CSMD2: variants seen among roughly 807,000 people sequenced by gnomAD.
The protein encoded by CSMD2 is CUB and Sushi multiple domains 2, also known as CUB and sushi domain-containing protein 2.
In CSMD2, 130 loss-of-function variants were observed where a neutral mutation model predicts 398.5. The observed-to-expected ratio is 0.33, with a 90% CI of 0.28 to 0.38. The LOEUF (loss-of-function observed/expected upper bound fraction) is 0.38, where lower values mean the gene tolerates loss of function less well. CSMD2 is among the 10% of genes least tolerant of loss of function. The probability of loss-of-function intolerance (pLI) is 1.00; values close to 1 mark genes in which losing one functional copy is unlikely to be tolerated. For missense variants in CSMD2, 3,829 were observed against 4,764.9 expected (o/e 0.80, Z 5.78); for synonymous variants, 1,828 against 1,908.5 (o/e 0.96, Z 1.10).
intron 40 of CSMD2, among the ~76,000 whole-genome samples, chr1:33,612,101 T>G (rs1359206679): frequency 6.6e-6 from 1 of 152,228 alleles, no homozygotes; most frequent in Non-Finnish European, 1.5e-5. Flanking sequence ...ACATCAGGGC[T>G]GTGCTAGGCA....
At chr1:33,938,922 GCTGA>G (rs1644576881) in intron 3 of CSMD2, among the ~76,000 whole-genome samples, 1 of 152,006 alleles carries the variant, frequency 6.6e-6, no homozygotes, top group Non-Finnish European at 1.5e-5. Context: ...ATCCCTTGCT[GCTGA>G]CTTACTTGGC....
chr1:33,633,342 G>T lies in CSMD2; in HGVS notation c.5200+80C>A. On this transcript the variant is annotated intron_variant, in intron 32 of 70. Coordinates refer to ENST00000373381, the MANE Select transcript of CSMD2 (RefSeq NM_001281956.2). This position sits in a 1 kb window ranked among gnomAD's most constrained non-coding sequence, Gnocchi z 5.0. ...AGGGTTCCACCTGCGGCCATGGGGTGCTTCTAGAGCCTCCTTCCTTTAGCC... is the reference window on the plus strand; with the variant it reads ...AGGGTTCCACCTGCGGCCATGGGGTTCTTCTAGAGCCTCCTTCCTTTAGCC... 1 of 1,043,984 alleles carries T rather than the reference G, an allele frequency of 9.6e-7. No individual in the cohort carries two copies. The highest frequency in any genetic ancestry group is 1.5e-6 in the Non-Finnish European group (1 of 688,578). The allele number at this position is 1,043,984 out of a possible 1,614,324, so 64.7% of individuals were successfully genotyped here.
At chr1:34,048,970 TTCCAGAACCATGGTC>T (rs1158472376) in intron 2 of CSMD2, among the ~76,000 whole-genome samples, 7 of 152,204 alleles carry the variant, frequency 4.6e-5, no homozygotes, top group South Asian at 2.1e-4. Context: ...AAACAGGAGC[TTCCAGAACCATGGTC>T]TCCAGAACCA....
chr1:34,055,210 C>G (rs1653690340), intron 2 of CSMD2, among the ~76,000 whole-genome samples: 1 of 152,146 alleles, frequency 6.6e-6, no homozygotes, highest in South Asian at 2.1e-4. Context: ...TGTAGAAAAA[C>G]AAACTGTTTT....
chr1:33,766,856 A>G (rs1264651167), intron 13 of CSMD2, among the ~76,000 whole-genome samples: 1 of 152,250 alleles, frequency 6.6e-6, no homozygotes, highest in Non-Finnish European at 1.5e-5. Context: ...CTGGATGGAA[A>G]GACCATACGT....
intron 19 of CSMD2, among the ~76,000 whole-genome samples, chr1:33,717,167 C>T (rs1646200151): frequency 6.6e-6 from 1 of 152,040 alleles, no homozygotes; most frequent in Non-Finnish European, 1.5e-5. Context: ...CTGGGTGTGG[C>T]TACTCCTGGA....
chr1:33,774,697 A>G (rs1020573683), intron 12 of CSMD2, among the ~76,000 whole-genome samples: 1 of 152,172 alleles, frequency 6.6e-6, no homozygotes, highest in Non-Finnish European at 1.5e-5. Flanking sequence ...CGTGGGGTAC[A>G]TGTGCCTGTG....
chr1:34,028,315 C>CA (rs758703951), intron 3 of CSMD2, among the ~76,000 whole-genome samples: 17 of 151,970 alleles, frequency 1.1e-4, no homozygotes, highest in Non-Finnish European at 1.6e-4. Context: ...GGCCCTATCT[C>CA]AAAAAACTAA....
chr1:33,717,648 A>G (rs948394908), intron 19 of CSMD2, among the ~76,000 whole-genome samples: 3 of 151,652 alleles, frequency 2.0e-5, no homozygotes, highest in African/African-American at 7.3e-5. Context: ...TTAAAGGGGG[A>G]CTACAGAGGT....
At position 33,636,779 on chromosome 1, in the gene CSMD2, C is replaced by A. The variant is rs577957790; in HGVS notation, c.4775-225G>T. On this transcript the variant is annotated intron_variant, in intron 29 of 70. Transcript: ENST00000373381. This position sits in a 1 kb window ranked among gnomAD's most constrained non-coding sequence, Gnocchi z 4.8. ...GAAGAGGGCAATTTCCCCTCCTCCC[C>A]CCATGTTCTTGCCTTGACCCACAGA... Among the ~76,000 whole-genome samples, 1 of 151,582 alleles carries A rather than the reference C, an allele frequency of 6.6e-6. No individual in the cohort carries two copies. Among genetic ancestry groups the A allele is most frequent in the South Asian group, 2.1e-4 (1 of 4,818 alleles).
chr1:33,726,784 T>C (rs1646548163), intron 15 of CSMD2, 99 bp from the exon 16 acceptor site: 2 of 1,332,988 alleles, frequency 1.5e-6, no homozygotes, highest in Admixed American at 2.7e-5. Context: ...TAAGTATAGT[T>C]TTTGTTTTTA....
chr1:33,647,524 C>T (rs763110056), intron 28 of CSMD2, among the ~76,000 whole-genome samples: 17 of 152,036 alleles, frequency 1.1e-4, no homozygotes, highest in East Asian at 1.9e-4. Flanking sequence ...ATGCATATTA[C>T]GAAAAAATTA....
chr1:33,880,105 G>A (rs1274869425), intron 5 of CSMD2, among the ~76,000 whole-genome samples: 1 of 152,138 alleles, frequency 6.6e-6, no homozygotes, highest in Non-Finnish European at 1.5e-5. Flanking sequence ...CACTGATTGT[G>A]ACCTCATGGA....
chr1:34,029,279 G>T (rs570848487), intron 3 of CSMD2, among the ~76,000 whole-genome samples: 1 of 152,236 alleles, frequency 6.6e-6, no homozygotes. Context: ...TTCCCTGAGA[G>T]CCAAATCTTC....
At chr1:33,862,129 A>G (rs1282469006) in intron 5 of CSMD2, 2 of 152,166 alleles carry the variant, frequency 1.3e-5, no homozygotes, top group Non-Finnish European at 2.9e-5. Context: ...AGGAAGCCAG[A>G]TTTATTTACC....
intron 13 of CSMD2, among the ~76,000 whole-genome samples, chr1:33,756,717 G>A (rs1001914813): frequency 2.0e-5 from 3 of 152,178 alleles, no homozygotes; most frequent in African/African-American, 4.8e-5. Context: ...TAAAAATTAT[G>A]AGAGTTGGAT....
chr1:33,811,855 A>G (rs1656905366), intron 9 of CSMD2, among the ~76,000 whole-genome samples: 1 of 152,252 alleles, frequency 6.6e-6, no homozygotes, highest in Non-Finnish European at 1.5e-5. Flanking sequence ...TGCTGCCCAC[A>G]TGGCAATTTA....
At chr1:33,612,799 A>G (rs1417584843) in intron 40 of CSMD2, among the ~76,000 whole-genome samples, 1 of 150,978 alleles carries the variant, frequency 6.6e-6, no homozygotes, top group Non-Finnish European at 1.5e-5. Flanking sequence ...CTCCTGCCTC[A>G]GCCTCCCAAG....
At chr1:33,757,954 A>G (rs1465656291) in intron 13 of CSMD2, among the ~76,000 whole-genome samples, 1 of 152,158 alleles carries the variant, frequency 6.6e-6, no homozygotes, top group East Asian at 1.9e-4. Context: ...TCCATCCTCC[A>G]TATCGGCTCC....
Sources: allele counts gnomAD v4.1 joint callset (sites outside exome capture counted in the v4.1 genomes callset), GRCh38; gene constraint gnomAD v4.1.1; non-coding constraint Gnocchi (gnomAD v3.1); transcripts MANE v1.5; gene names NCBI Gene and HGNC (gene_info 2026-07-23, HGNC 2026-07-21).